GPHN: variants seen among roughly 807,000 people sequenced by gnomAD.
The protein encoded by GPHN is gephyrin.
A neutral mutation model predicts 95.5 loss-of-function variants in GPHN; 17 were observed. That is an observed-to-expected ratio of 0.18 (90% CI 0.12 to 0.27). The LOEUF is 0.27. Ranked by LOEUF, GPHN falls within the 10% of genes least tolerant of loss-of-function variation. GPHN has a pLI of 1.00. For synonymous variants in GPHN, 320 were observed against 322.5 expected, an observed-to-expected ratio of 0.99 and a Z score of 0.08; for missense variants, 660 against 978.1, an observed-to-expected ratio of 0.67 and a Z score of 4.34.
chr14:67,582,286 G>A, the GPHN span: 1 of 1,605,250 alleles, frequency 6.2e-7, no homozygotes, highest in Non-Finnish European at 8.5e-7. This position sits in a 1 kb window ranked among gnomAD's most constrained non-coding sequence, Gnocchi z 5.0. Context: ...TGAAACACAG[G>A]AGAGATTCTG....
the GPHN span, among the ~76,000 whole-genome samples, chr14:67,537,064 ACTTAAT>A: frequency 6.8e-6 from 1 of 147,128 alleles, no homozygotes; most frequent in Non-Finnish European, 1.5e-5. Flanking sequence ...TAAAATAAAA[ACTTAAT>A]CTTAGGCTGG....
chr14:67,589,283 C>G, the GPHN span: 1 of 902,936 alleles, frequency 1.1e-6, no homozygotes, highest in Non-Finnish European at 1.3e-6. Context: ...TAATCTTATA[C>G]AGAAGAAACT....
At chr14:67,309,034 G>A in the GPHN span, among the ~76,000 whole-genome samples, 1 of 152,106 alleles carries the variant, frequency 6.6e-6, no homozygotes, top group Admixed American at 6.6e-5. Context: ...ATGTTGGGCT[G>A]GAAGATAATT....
At chr14:67,449,268 C>T in the GPHN span, among the ~76,000 whole-genome samples, 23 of 152,254 alleles carry the variant, frequency 1.5e-4, no homozygotes, top group South Asian at 2.3e-3. Context: ...TAACTGCAGC[C>T]GAGGCCAAAT....
At chr14:66,622,173 G>T (rs1345512333) in intron 1 of GPHN, among the ~76,000 whole-genome samples, 1 of 152,078 alleles carries the variant, frequency 6.6e-6, no homozygotes, top group Non-Finnish European at 1.5e-5. Flanking sequence ...GCACTTGCAG[G>T]CTCAACACCA....
chr14:66,844,579 T>C (rs2153511074), intron 4 of GPHN, among the ~76,000 whole-genome samples: 1 of 152,238 alleles, frequency 6.6e-6, no homozygotes, highest in South Asian at 2.1e-4. Context: ...CAAAAAAATC[T>C]AAAGAGGTGA....
chr14:67,572,878 C>T, the GPHN span, among the ~76,000 whole-genome samples: 2 of 152,202 alleles, frequency 1.3e-5, no homozygotes, highest in Non-Finnish European at 1.5e-5. Context: ...CTTGCCCTCT[C>T]CCTGCTCTGT....
intron 1 of GPHN, among the ~76,000 whole-genome samples, chr14:66,650,057 A>G (rs1346380500): frequency 2.6e-5 from 4 of 151,830 alleles, no homozygotes; most frequent in Admixed American, 1.3e-4. Context: ...GACAGACCCA[A>G]TGATGAGATA....
intron 21 of GPHN, 83 bp downstream of exon 21, chr14:67,169,119 A>C: frequency 1.2e-6 from 1 of 841,178 alleles, no homozygotes; most frequent in South Asian, 1.3e-5. Flanking sequence ...CAAAATAAAC[A>C]TCTAGAGTTT....
At chr14:67,388,193 T>G in the GPHN span, 1 of 1,460,650 alleles carries the variant, frequency 6.8e-7, no homozygotes. Flanking sequence ...GCCCCTGAGA[T>G]CTTCAGGCCA....
intron 4 of GPHN, among the ~76,000 whole-genome samples, chr14:66,869,279 G>A (rs113536360): frequency 0.016 from 2,379 of 152,282 alleles, 32 homozygotes; most frequent in Non-Finnish European, 0.018. Flanking sequence ...TTATTTGTCT[G>A]TATTGTACTA....
At chr14:67,171,092 T>A (rs1007391606) in intron 21 of GPHN, among the ~76,000 whole-genome samples, 3 of 152,148 alleles carry the variant, frequency 2.0e-5, no homozygotes, top group African/African-American at 4.8e-5. Context: ...CACTCGCCTG[T>A]AATCCCTGCT....
chr14:67,508,753 C>CA, the GPHN span, among the ~76,000 whole-genome samples: 5,451 of 46,718 alleles, frequency 0.12, 765 homozygotes, highest in East Asian at 0.44. Context: ...AACCTTGTCT[C>CA]AAAAAAAAAA....
intron 4 of GPHN, among the ~76,000 whole-genome samples, chr14:66,833,280 G>A (rs1282959961): frequency 6.6e-6 from 1 of 152,008 alleles, no homozygotes; most frequent in African/African-American, 2.4e-5. Context: ...AGAGCAACAG[G>A]GGGAAAAGCC....
intron 17 of GPHN, among the ~76,000 whole-genome samples, chr14:67,131,083 G>A (rs529712065): frequency 1.2e-4 from 18 of 152,110 alleles, no homozygotes; most frequent in Non-Finnish European, 2.4e-4. Context: ...AAGAGTTGAA[G>A]ACAAAGAAAT....
At chr14:67,204,657 G>A in the GPHN span, 1 of 1,613,850 alleles carries the variant, frequency 6.2e-7, no homozygotes, top group Non-Finnish European at 8.5e-7. Context: ...CATATAAACA[G>A]GACACCTTGT....
At chr14:67,393,298 G>T in the GPHN span, 1 of 1,200,904 alleles carries the variant, frequency 8.3e-7, no homozygotes, top group East Asian at 2.3e-5. Flanking sequence ...CAGGTATAAG[G>T]GAGGGTCCTG....
chr14:66,785,105 C>T (rs558821664), intron 3 of GPHN, among the ~76,000 whole-genome samples: 3 of 152,170 alleles, frequency 2.0e-5, no homozygotes, highest in Admixed American at 2.0e-4. Context: ...CAGTGGCTTA[C>T]GCCTGTAATC....
intron 4 of GPHN, among the ~76,000 whole-genome samples, chr14:66,841,917 G>T (rs936702299): frequency 2.6e-5 from 4 of 151,972 alleles, no homozygotes; most frequent in African/African-American, 9.7e-5. Flanking sequence ...GCCAGACCTG[G>T]TGGTGCACGC....
Sources: gnomAD v4.1 joint callset for allele counts (sites outside exome capture counted in the v4.1 genomes callset) on GRCh38, gnomAD v4.1.1 for gene constraint, Gnocchi (gnomAD v3.1) non-coding constraint, MANE v1.5 for transcripts, NCBI Gene and HGNC (gene_info 2026-07-23, HGNC 2026-07-21) for gene names.